Variants in TGFBR3 observed in about 807,000 individuals in gnomAD.
TGFBR3 encodes the protein transforming growth factor beta receptor 3, also known as transforming growth factor beta receptor type 3.
Under a neutral mutation model 87.9 loss-of-function variants are expected in TGFBR3, and 46 were observed. The observed-to-expected ratio is 0.52, with a 90% CI of 0.41 to 0.67. TGFBR3 has a LOEUF of 0.67. Among genes scored for constraint, TGFBR3 ranks in the 30% least tolerant of loss-of-function variants. TGFBR3 has a pLI of 0.00. For missense variants in TGFBR3, 866 were observed against 1,041.9 expected (o/e 0.83, Z 2.32); for synonymous variants, 381 against 391.6 (o/e 0.97, Z 0.32).
intron 2 of TGFBR3, among the ~76,000 whole-genome samples, chr1:91,849,926 C>CA (rs1389817847): frequency 2.6e-5 from 4 of 151,556 alleles, no homozygotes; most frequent in South Asian, 2.1e-4. Flanking sequence ...GCTAAAAATA[C>CA]AAAAAATTAG....
chr1:91,688,625 C>T (rs764964315), intron 16 of TGFBR3, among the ~76,000 whole-genome samples: 1 of 152,208 alleles, frequency 6.6e-6, no homozygotes, highest in African/African-American at 2.4e-5. Flanking sequence ...GTAAGGAACA[C>T]TGTTTCACAG....
chr1:91,693,947 G>C (rs113984755), intron 16 of TGFBR3, among the ~76,000 whole-genome samples: 3,780 of 152,256 alleles, frequency 0.025, 75 homozygotes, highest in Middle Eastern at 0.065. Context: ...TCATGAGGGA[G>C]AATCCTCCTA....
chr1:91,695,119 T>G (rs552025963), intron 16 of TGFBR3, among the ~76,000 whole-genome samples: 68 of 152,046 alleles, frequency 4.5e-4, no homozygotes, highest in Middle Eastern at 3.4e-3. Flanking sequence ...ACTTTTTTTT[T>G]TTTTTTCAGT....
chr1:91,733,284 G>T (rs1448519637), intron 5 of TGFBR3, among the ~76,000 whole-genome samples: 1 of 152,206 alleles, frequency 6.6e-6, no homozygotes, highest in African/African-American at 2.4e-5. Context: ...GGAAGCCTGG[G>T]TTTGTGTTCT....
intron 2 of TGFBR3, among the ~76,000 whole-genome samples, chr1:91,841,788 C>A (rs1677292138): frequency 9.7e-6 from 1 of 103,572 alleles, no homozygotes; most frequent in Non-Finnish European, 2.0e-5. Flanking sequence ...AGCAAGACTC[C>A]ATCTCAAAAA....
chr1:91,890,278 C>G (rs1679416718), upstream of TGFBR3, among the ~76,000 whole-genome samples: 2 of 152,036 alleles, frequency 1.3e-5, no homozygotes, highest in Non-Finnish European at 2.9e-5. Flanking sequence ...TTGACAGTGA[C>G]TCAGATTTAG....
chr1:91,836,344 C>CA (rs1420818812), intron 2 of TGFBR3, among the ~76,000 whole-genome samples: 1 of 152,080 alleles, frequency 6.6e-6, no homozygotes, highest in Non-Finnish European at 1.5e-5. Context: ...AATAATGGAA[C>CA]AACAGAGCAC....
chr1:91,742,475 A>T lies in TGFBR3; in HGVS notation c.385-7516T>A, dbSNP rs576812809. ...CTCATTGCTTCCCTTACTGCCCAGG[A>T]AATGAGCTTTTGGCCAAGCTTTAAA... On this transcript the variant is annotated intron_variant, in intron 4 of 16. Transcript: ENST00000212355. Among the ~76,000 whole-genome samples the T allele has an allele frequency of 3.9e-5, 6 of 152,362 alleles. No individual in the cohort carries two copies. In the South Asian group the frequency reaches 1.2e-3, roughly 32 times the overall value.
At chr1:91,873,279 CTTCTT>C (rs1678657819) in intron 1 of TGFBR3, among the ~76,000 whole-genome samples, 1 of 116,542 alleles carries the variant, frequency 8.6e-6, no homozygotes, top group African/African-American at 3.1e-5. Context: ...CCAATTTTCC[CTTCTT>C]TTTTTTTTTT....
At chr1:91,684,658 C>G (rs1256235082) in intron 16 of TGFBR3, among the ~76,000 whole-genome samples, 1 of 152,178 alleles carries the variant, frequency 6.6e-6, no homozygotes, top group Admixed American at 6.5e-5. Context: ...AAGGAAACCT[C>G]AAGTCACACA....
At chr1:91,754,891 A>T (rs1455674432) in intron 4 of TGFBR3, 1 of 151,304 alleles carries the variant, frequency 6.6e-6, no homozygotes, top group Non-Finnish European at 1.5e-5. Context: ...TGCCCTATTT[A>T]AAAAAAAACA....
At chr1:91,775,982 T>C (rs1335084339) in intron 3 of TGFBR3, among the ~76,000 whole-genome samples, 1 of 152,224 alleles carries the variant, frequency 6.6e-6, no homozygotes, top group Non-Finnish European at 1.5e-5. Context: ...AGTAAGAGAA[T>C]TGTTTGTATA....
intron 2 of TGFBR3, among the ~76,000 whole-genome samples, chr1:91,805,000 T>A (rs754434508): frequency 6.6e-6 from 1 of 152,198 alleles, no homozygotes; most frequent in African/African-American, 2.4e-5. Context: ...ACAATGCTCA[T>A]AAGCACACAC....
intron 3 of TGFBR3, among the ~76,000 whole-genome samples, chr1:91,772,016 G>A (rs1349303678): frequency 2.6e-5 from 4 of 152,076 alleles, no homozygotes; most frequent in Non-Finnish European, 5.9e-5. Context: ...GCATGAGTGG[G>A]TGTGAAGAAT....
chr1:91,793,835 A>G (rs1419470932), intron 3 of TGFBR3, among the ~76,000 whole-genome samples: 1 of 149,958 alleles, frequency 6.7e-6, no homozygotes, highest in African/African-American at 2.5e-5. Context: ...AAAAATTGGT[A>G]GAGACTGCAC....
chr1:91,773,826 T>TGCCAAAGTGAATACTAGAGA (rs1471025039), intron 3 of TGFBR3, among the ~76,000 whole-genome samples: 1 of 152,250 alleles, frequency 6.6e-6, no homozygotes, highest in Admixed American at 6.5e-5. Flanking sequence ...TAGTTTAGCC[T>TGCCAAAGTGAATACTAGAGA]GCCAAAGTGA....
At position 91,683,648 on chromosome 1, in the gene TGFBR3, T is replaced by C; in HGVS notation, c.*91A>G. ...GAACCAAAATCCAGCCCTCTGAGTC[T>C]GGACACGAGGCTCAGCCATTGGTCC... is the stretch of plus-strand genomic sequence containing the variant. On this transcript the variant is annotated 3_prime_UTR_variant, in exon 17 of 17. Coordinates refer to ENST00000212355, the MANE Select transcript of TGFBR3 (RefSeq NM_003243.5). 1 of 1,074,410 alleles carries C rather than the reference T, an allele frequency of 9.3e-7. No individual in the cohort carries two copies. The highest frequency in any genetic ancestry group is 1.4e-6 in the Non-Finnish European group (1 of 733,730). 66.6% of individuals were successfully genotyped at this position (1,074,410 alleles called of 1,614,324 possible). A position where few individuals can be genotyped will look rare whatever the true frequency, so the allele number is the denominator to read the frequency against.
chr1:91,840,312 A>G lies in TGFBR3; in HGVS notation c.61+21159T>C, dbSNP rs138542921. On this transcript the variant is annotated intron_variant, in intron 2 of 16. Coordinates refer to ENST00000212355, the MANE Select transcript of TGFBR3 (RefSeq NM_003243.5). ...ATTCCAGCCTGGGCAACAGAGCAAG[A>G]CTCTGTCAAAAAAAAAAAAAAAATC... is the stretch of plus-strand genomic sequence containing the variant. Among the ~76,000 whole-genome samples, 1,017 of 149,228 alleles carry G rather than the reference A, an allele frequency of 6.8e-3. 15 individuals are homozygous for G. Among genetic ancestry groups the G allele is most frequent in the African/African-American group, 0.024 (960 of 40,508 alleles).
chr1:91,785,128 T>G (rs1042816586), intron 3 of TGFBR3, among the ~76,000 whole-genome samples: 1 of 152,192 alleles, frequency 6.6e-6, no homozygotes, highest in Admixed American at 6.5e-5. Context: ...AGCCACACAA[T>G]GAAAACTACC....
Sources: gnomAD v4.1 joint callset for allele counts (sites outside exome capture counted in the v4.1 genomes callset) on GRCh38, gnomAD v4.1.1 for gene constraint, MANE v1.5 for transcripts, NCBI Gene and HGNC (gene_info 2026-07-23, HGNC 2026-07-21) for gene names.